LEPROTL1: variants seen among roughly 807,000 people sequenced by gnomAD.
LEPROTL1 encodes the protein leptin receptor overlapping transcript like 1.
A neutral mutation model predicts 15.4 loss-of-function variants in LEPROTL1; 6 were observed. The ratio of observed to expected loss-of-function variants is 0.39; its 90% CI spans 0.21 to 0.77. The LOEUF (loss-of-function observed/expected upper bound fraction) is 0.77, where lower values mean the gene tolerates loss of function less well. Among genes scored for constraint, LEPROTL1 ranks in the 30% least tolerant of loss-of-function variants. LEPROTL1 has a pLI of 0.41. For missense variants in LEPROTL1, 128 were observed against 158.1 expected (o/e 0.81, Z 1.02); for synonymous variants, 56 against 52.6 (o/e 1.06, Z -0.28).
chr8:30,137,860 G>C (rs1803181791), downstream of LEPROTL1: 1 of 267,502 alleles, frequency 3.7e-6, no homozygotes. Context: ...CATGCAGCTG[G>C]AGATGACAAG....
intron 4 of LEPROTL1, among the ~76,000 whole-genome samples, chr8:30,134,069 T>C (rs911297053): frequency 6.6e-6 from 1 of 152,212 alleles, no homozygotes; most frequent in African/African-American, 2.4e-5. Context: ...TCATTGAGCC[T>C]GTACTCAAAG....
At chr8:30,134,811 G>A (rs546185872) in intron 4 of LEPROTL1, among the ~76,000 whole-genome samples, 1 of 152,230 alleles carries the variant, frequency 6.6e-6, no homozygotes, top group South Asian at 2.1e-4. Context: ...GCCTCCCAAA[G>A]TGCTAGGATT....
intron 4 of LEPROTL1, among the ~76,000 whole-genome samples, chr8:30,136,730 C>CTTTTT (rs11390350): frequency 7.0e-6 from 1 of 143,788 alleles, no homozygotes; most frequent in African/African-American, 2.6e-5. Context: ...TCCCCCCGAA[C>CTTTTT]TTTTTTTTTT....
chr8:30,105,880 A>G lies in LEPROTL1; in HGVS notation c.*18A>G, dbSNP rs1486960633. ...AGTGGTGAAAAGAAATTACTGAACTATTGTCAAATGGACTTCCTGTCATTT... is the reference window on the plus strand; with the variant it reads ...AGTGGTGAAAAGAAATTACTGAACTGTTGTCAAATGGACTTCCTGTCATTT... On this transcript the variant is annotated 3_prime_UTR_variant, in exon 4 of 4. Transcript: ENST00000321250. The G allele has an allele frequency of 2.0e-6, 3 of 1,496,234 alleles. No homozygotes were observed. The highest frequency in any genetic ancestry group is 1.4e-5 in the African/African-American group (1 of 69,186). The allele number at this position is 1,496,234 out of a possible 1,614,324, so 92.7% of individuals were successfully genotyped here.
At chr8:30,110,739 A>T (rs534182051), downstream of LEPROTL1, among the ~76,000 whole-genome samples, 33 of 151,338 alleles carry the variant, frequency 2.2e-4, no homozygotes, top group Admixed American at 7.3e-4. Flanking sequence ...GTCCCAAAAT[A>T]AAAAAAAAGC....
rs927175143 is a variant in LEPROTL1 at position 30,129,638 on chromosome 8, G to C, written c.280-2737G>C. ...GAGAATCGCTTGAACCTAGGAGGCA[G>C]AGGTTGCAATGAGCTGAGATCACAC... On this transcript the variant is annotated intron_variant, in intron 3 of 4. Transcript: ENST00000442880. Among the ~76,000 whole-genome samples, 7 of 151,778 alleles carry C rather than the reference G, an allele frequency of 4.6e-5. No individual in the cohort carries two copies. In the South Asian group the frequency reaches 1.5e-3, roughly 32 times the overall value.
At chr8:30,133,468 G>A (rs752120901) in intron 4 of LEPROTL1, among the ~76,000 whole-genome samples, 23 of 152,122 alleles carry the variant, frequency 1.5e-4, no homozygotes, top group Non-Finnish European at 2.8e-4. Context: ...ACATTTACAC[G>A]CATGTTCAAC....
rs1802576179 is a variant in LEPROTL1, at chr8:30,106,805, C to T, written c.*943C>T. On this transcript the variant is annotated 3_prime_UTR_variant, in exon 4 of 4. Transcript: ENST00000321250. Reference sequence around the variant, plus strand: ...AGTTGTATGTTTGCATCATATATGCCAGAAAACCTTCCTCTGCTTCCTCCT... The same window carrying T: ...AGTTGTATGTTTGCATCATATATGCTAGAAAACCTTCCTCTGCTTCCTCCT... 2 of 984,840 alleles carry T rather than the reference C, an allele frequency of 2.0e-6. No individual in the cohort carries two copies. The highest frequency in any genetic ancestry group is 2.4e-6 in the Non-Finnish European group (2 of 829,102). 61.0% of individuals were successfully genotyped at this position (984,840 alleles called of 1,614,324 possible). A position where few individuals can be genotyped will look rare whatever the true frequency, so the allele number is the denominator to read the frequency against.
In LEPROTL1 at chr8:30,107,691, A is replaced by G. The variant is rs1460443039; in HGVS notation, c.*1829A>G. ...CAGATTTCAAGAGGAAGGTGCAGGT[A>G]CACATGAGTTAGAGAGCTGGTGAGA... is the stretch of plus-strand genomic sequence containing the variant. On this transcript the variant is annotated 3_prime_UTR_variant, in exon 4 of 4. Transcript: ENST00000321250. 1 of 985,428 alleles carries G rather than the reference A, an allele frequency of 1.0e-6. No individual in the cohort carries two copies. The highest frequency in any genetic ancestry group is 1.2e-6 in the Non-Finnish European group (1 of 829,950). The allele number at this position is 985,428 out of a possible 1,614,324, so 61.0% of individuals were successfully genotyped here. A position where few individuals can be genotyped will look rare whatever the true frequency, so the allele number is the denominator to read the frequency against.
chr8:30,126,195 G>A, intron 3 of LEPROTL1, among the ~76,000 whole-genome samples: 1 of 152,156 alleles, frequency 6.6e-6, no homozygotes, highest in Admixed American at 6.5e-5. Context: ...CTGTGGATCA[G>A]CACTGGGAGT....
intron 3 of LEPROTL1, among the ~76,000 whole-genome samples, chr8:30,124,346 C>A (rs1802877972): frequency 6.6e-6 from 1 of 152,128 alleles, no homozygotes; most frequent in Admixed American, 6.6e-5. Flanking sequence ...ATTTTCAAAC[C>A]TATAAAAAAT....
intron 1 of LEPROTL1, among the ~76,000 whole-genome samples, 155 bp from the exon 2 acceptor site, chr8:30,101,743 C>T (rs1434895734): frequency 6.8e-6 from 1 of 146,966 alleles, no homozygotes. Context: ...AAGACTTATT[C>T]TAAGACTAGA....
At chr8:30,108,869 C>T (rs1486866582), downstream of LEPROTL1, among the ~76,000 whole-genome samples, 2 of 152,124 alleles carry the variant, frequency 1.3e-5, no homozygotes, top group Admixed American at 6.5e-5. Flanking sequence ...CTCAAGTTAT[C>T]GCCCTGCCGC....
intron 3 of LEPROTL1, among the ~76,000 whole-genome samples, chr8:30,116,232 CCT>C (rs1331772209): frequency 1.7e-4 from 26 of 151,730 alleles, no homozygotes; most frequent in Non-Finnish European, 1.5e-5. Flanking sequence ...AGAGTGAGAC[CCT>C]GTCTTAAAAA....
At chr8:30,113,386 A>T (rs983356689), downstream of LEPROTL1, among the ~76,000 whole-genome samples, 61 of 152,316 alleles carry the variant, frequency 4.0e-4, no homozygotes, top group Middle Eastern at 3.4e-3. Flanking sequence ...AACATACGGG[A>T]TCGTATTGAA....
At chr8:30,136,336 G>A (rs957778739) in intron 4 of LEPROTL1, among the ~76,000 whole-genome samples, 10 of 152,186 alleles carry the variant, frequency 6.6e-5, no homozygotes, top group African/African-American at 2.4e-4. Flanking sequence ...TGACCATCAC[G>A]CGGACATACA....
chr8:30,117,367 T>C (rs978977934), intron 3 of LEPROTL1: 7 of 1,094,936 alleles, frequency 6.4e-6, no homozygotes, highest in Non-Finnish European at 4.1e-6. Flanking sequence ...TTTGTAAATA[T>C]ATGCTGCATT....
intron 3 of LEPROTL1, chr8:30,132,264 C>A: frequency 6.4e-7 from 1 of 1,551,772 alleles, no homozygotes; most frequent in Non-Finnish European, 8.7e-7. Context: ...AGGCAAATGT[C>A]TGCAACAACG....
intron 3 of LEPROTL1, among the ~76,000 whole-genome samples, chr8:30,114,735 A>G (rs1802710124): frequency 6.6e-6 from 1 of 152,182 alleles, no homozygotes; most frequent in Non-Finnish European, 1.5e-5. Context: ...CTAACAACAA[A>G]GGTTTATTTC....
Sources: allele counts gnomAD v4.1 joint callset (sites outside exome capture counted in the v4.1 genomes callset), GRCh38; gene constraint gnomAD v4.1.1; transcripts MANE v1.5; gene names NCBI Gene and HGNC (gene_info 2026-07-23, HGNC 2026-07-21).